The following LAIR1 variants were observed in gnomAD, a reference collection of about 807,000 sequenced individuals.
LAIR1 encodes the protein leukocyte-associated immunoglobulin-like receptor 1.
A neutral mutation model predicts 32.8 loss-of-function variants in LAIR1; 24 were observed. The ratio of observed to expected loss-of-function variants is 0.73; its 90% CI spans 0.53 to 1.03. The LOEUF is 1.03. Ranked by LOEUF, LAIR1 falls within the 50% of genes least tolerant of loss-of-function variation. The probability of loss-of-function intolerance (pLI) is 0.00; values close to 1 mark genes in which losing one functional copy is unlikely to be tolerated. For synonymous variants in LAIR1, 150 were observed against 140.5 expected, an observed-to-expected ratio of 1.07 and a Z score of -0.48; for missense variants, 355 against 347.5, an observed-to-expected ratio of 1.02 and a Z score of -0.17.
At chr19:54,366,333 G>A (rs1464737843), upstream of LAIR1, among the ~76,000 whole-genome samples, 1 of 152,200 alleles carries the variant, frequency 6.6e-6, no homozygotes, top group Admixed American at 6.5e-5. Flanking sequence ...TGATAGTGAT[G>A]TGAACAGCGA....
Position 54,364,283 on chromosome 19 carries a change from G to C in LAIR1, c.70+12C>G, listed in dbSNP as rs750750377. The C allele has an allele frequency of 6.2e-7, 1 of 1,612,052 alleles. No homozygotes were observed. The highest frequency in any genetic ancestry group is 1.1e-5 in the South Asian group (1 of 91,026). ...GAGGGGACTGGGAAGATGGGACGAA[G>C]GCATGACTTACCCTCCTGCGTGTGG... On this transcript the variant is annotated intron_variant, in intron 2 of 9. Coordinates refer to ENST00000391742, the MANE Select transcript of LAIR1 (RefSeq NM_002287.6). This position sits in a 1 kb window ranked among gnomAD's most constrained non-coding sequence, Gnocchi z 4.8.
At chr19:54,357,049 G>T in intron 4 of LAIR1, 83 bp from the exon 5 acceptor site, 1 of 1,353,740 alleles carries the variant, frequency 7.4e-7, no homozygotes, top group Non-Finnish European at 1.0e-6. Flanking sequence ...CATCCACTGT[G>T]GGGATCTCCC....
chr19:54,361,691 G>A (rs2082031572), intron 2 of LAIR1, among the ~76,000 whole-genome samples: 1 of 141,134 alleles, frequency 7.1e-6, no homozygotes, highest in African/African-American at 2.5e-5. Flanking sequence ...GGGGTTGCCA[G>A]GCTCCTTTGA....
rs2082166993 is a variant in LAIR1, at chr19:54,364,424, C to T, written c.35-94G>A. 7 of 1,469,836 alleles carry T rather than the reference C, an allele frequency of 4.8e-6. No individual in the cohort carries two copies. The highest frequency in any genetic ancestry group is 6.7e-6 in the Non-Finnish European group (7 of 1,052,302). The allele number at this position is 1,469,836 out of a possible 1,614,324, so 91.0% of individuals were successfully genotyped here. On this transcript the variant is annotated intron_variant, in intron 1 of 9. Coordinates refer to ENST00000391742, the MANE Select transcript of LAIR1 (RefSeq NM_002287.6). The surrounding 1 kb of genome is among the most constrained non-coding windows in gnomAD (Gnocchi z 4.8). ...GGGCTCGATGGAGCTGGGGGGCATT[C>T]AGCATTTCATAACGACCAAGCCAAC...
chr19:54,371,279 G>T (rs373300061), upstream of LAIR1, among the ~76,000 whole-genome samples: 3 of 151,202 alleles, frequency 2.0e-5, no homozygotes, highest in East Asian at 1.9e-4. Context: ...ATGTATATGT[G>T]TGTGTATATA....
At chr19:54,370,000 C>T (rs1341859353) in intron 1 of LAIR1, among the ~76,000 whole-genome samples, 1 of 147,342 alleles carries the variant, frequency 6.8e-6, no homozygotes, top group Admixed American at 6.7e-5. Flanking sequence ...TGTGTCGTTC[C>T]GTCCAATCTA....
rs1342674021 is a variant in LAIR1, at chr19:54,364,062, G to T, written c.70+233C>A. 3.7e-4 allele frequency among the ~76,000 whole-genome samples: 56 copies of T among 152,218 alleles called. No homozygotes were observed. The highest frequency in any genetic ancestry group is 1.3e-3 in the African/African-American group (54 of 41,518). On this transcript the variant is annotated intron_variant, in intron 2 of 9. Coordinates refer to ENST00000391742, the MANE Select transcript of LAIR1 (RefSeq NM_002287.6). This position sits in a 1 kb window ranked among gnomAD's most constrained non-coding sequence, Gnocchi z 4.8. ...TGTACCCCGCAAATTGCAATTATTT[G>T]TCAATTAAAAATAAAATTTTTGAAA...
chr19:54,362,571 G>A (rs1226358575), intron 2 of LAIR1, among the ~76,000 whole-genome samples: 3 of 152,136 alleles, frequency 2.0e-5, no homozygotes, highest in Non-Finnish European at 2.9e-5. Flanking sequence ...TGCAACCTCC[G>A]CCTCCAAGGT....
Position 54,363,780 on chromosome 19 carries a change from T to C in LAIR1, c.70+515A>G, listed in dbSNP as rs116136252. 4.3e-3 allele frequency among the ~76,000 whole-genome samples: 650 copies of C among 152,204 alleles called. 4 individuals carry two copies. Among genetic ancestry groups the C allele is most frequent in the African/African-American group, 0.014 (584 of 41,520 alleles). On this transcript the variant is annotated intron_variant, in intron 2 of 9. Transcript: ENST00000391742. ...CCCGGAAGCAGAGTAGAATGGTGGTTATTGGAGGCTGCAGGTGCGGGGCAT... is the reference window on the plus strand; with the variant it reads ...CCCGGAAGCAGAGTAGAATGGTGGTCATTGGAGGCTGCAGGTGCGGGGCAT...
chr19:54,374,025 A>G (rs558285929), upstream of LAIR1, among the ~76,000 whole-genome samples: 1 of 152,352 alleles, frequency 6.6e-6, no homozygotes, highest in South Asian at 2.1e-4. Flanking sequence ...CCAGGGAAAA[A>G]GTCCCTTGGT....
At chr19:54,357,252 C>A in intron 4 of LAIR1, 1 of 480,850 alleles carries the variant, frequency 2.1e-6, no homozygotes, top group Admixed American at 3.6e-5. Context: ...TCAGTGACCC[C>A]ACGGGCCTGA....
upstream of LAIR1, among the ~76,000 whole-genome samples, chr19:54,371,498 C>T (rs1195726415): frequency 2.6e-5 from 4 of 151,298 alleles, no homozygotes; most frequent in African/African-American, 9.8e-5. Flanking sequence ...GGGGTTTCGC[C>T]ATGTTGACCA....
At chr19:54,356,443 C>A (rs1420020647) in intron 6 of LAIR1, 45 bp from the exon 7 acceptor site, 3 of 1,610,946 alleles carry the variant, frequency 1.9e-6, no homozygotes, top group Non-Finnish European at 1.7e-6. Context: ...TCTTCCTAGC[C>A]TCTCCTGACA....
intron 4 of LAIR1, chr19:54,358,520 T>C (rs1430254724): frequency 1.6e-5 from 25 of 1,603,588 alleles, no homozygotes; most frequent in East Asian, 2.2e-5. Context: ...TGCATTTCTA[T>C]TGCTCATTCT....
chr19:54,364,583 G>A lies in LAIR1; in HGVS notation c.34+188C>T, dbSNP rs937571759. ...TAAAGCTGACCTCATCCCCACACCC[G>A]GGCCCCTGTTTTTAGGACAAGATCT... On this transcript the variant is annotated intron_variant, in intron 1 of 9. Transcript: ENST00000391742. This position sits in a 1 kb window ranked among gnomAD's most constrained non-coding sequence, Gnocchi z 4.8. 7 of 802,032 alleles carry A rather than the reference G, an allele frequency of 8.7e-6. No homozygotes were observed. Among genetic ancestry groups the A allele is most frequent in the Admixed American group, 2.0e-5 (1 of 50,768 alleles). The allele number at this position is 802,032 out of a possible 1,614,324, so 49.7% of individuals were successfully genotyped here. A position where few individuals can be genotyped will look rare whatever the true frequency, so the allele number is the denominator to read the frequency against.
At chr19:54,358,484 T>G (rs777892239) in intron 4 of LAIR1, 11 of 1,420,406 alleles carry the variant, frequency 7.7e-6, no homozygotes, top group Non-Finnish European at 1.0e-5. Flanking sequence ...TATATTTTTA[T>G]CTGTATATGC....
chr19:54,356,696 C>G, intron 5 of LAIR1, 77 bp from the exon 6 acceptor site: 3 of 1,415,576 alleles, frequency 2.1e-6, no homozygotes, highest in Non-Finnish European at 3.0e-6. Flanking sequence ...ACGTCACGTG[C>G]GTTTCATAGA....
At chr19:54,367,714 C>T (rs2082296366), upstream of LAIR1, among the ~76,000 whole-genome samples, 1 of 150,886 alleles carries the variant, frequency 6.6e-6, no homozygotes, top group South Asian at 2.1e-4. Context: ...CCATTGCACT[C>T]CAGCCTGGGT....
At chr19:54,374,912 G>A (rs8102042), upstream of LAIR1, among the ~76,000 whole-genome samples, 48,197 of 151,680 alleles carry the variant, frequency 0.32, 8,215 homozygotes, top group East Asian at 0.69. Flanking sequence ...CAGCCCTTCC[G>A]TACCCAGCAT....
Sources: gnomAD v4.1 joint callset for allele counts (sites outside exome capture counted in the v4.1 genomes callset) on GRCh38, gnomAD v4.1.1 for gene constraint, Gnocchi (gnomAD v3.1) non-coding constraint, MANE v1.5 for transcripts, NCBI Gene and HGNC (gene_info 2026-07-23, HGNC 2026-07-21) for gene names.